Variants in PTGIS observed in about 807,000 individuals in gnomAD.
The protein encoded by PTGIS is prostacyclin synthase.
PTGIS carries 45 observed loss-of-function variants against 50.3 expected under a neutral mutation model. The ratio of observed to expected loss-of-function variants is 0.90; its 90% CI spans 0.70 to 1.15. The LOEUF is 1.15. Among genes scored for constraint, PTGIS ranks in the 50% most tolerant of loss-of-function variants. The pLI is 0.00. For missense variants in PTGIS, 668 were observed against 661.3 expected (o/e 1.01, Z -0.11); for synonymous variants, 260 against 267.7 (o/e 0.97, Z 0.28).
chr20:49,518,096 C>A (rs1355542410), intron 6 of PTGIS, among the ~76,000 whole-genome samples: 1 of 152,162 alleles, frequency 6.6e-6, no homozygotes, highest in African/African-American at 2.4e-5. Flanking sequence ...CAGGGGGAGA[C>A]CCTCTGAGGA....
At chr20:49,537,169 T>C (rs1377888141) in intron 5 of PTGIS, among the ~76,000 whole-genome samples, 1 of 152,148 alleles carries the variant, frequency 6.6e-6, no homozygotes, top group Non-Finnish European at 1.5e-5. Flanking sequence ...TGGATTCCTA[T>C]GGACCTGGAT....
intron 2 of PTGIS, 69 bp downstream of exon 2, chr20:49,549,997 A>G: frequency 6.2e-7 from 1 of 1,609,872 alleles, no homozygotes; most frequent in Non-Finnish European, 8.5e-7. Context: ...TGTTGAAGGA[A>G]TCAACAGAAA....
chr20:49,515,979 C>T (rs1009799206), intron 6 of PTGIS, among the ~76,000 whole-genome samples: 2 of 151,762 alleles, frequency 1.3e-5, no homozygotes, highest in African/African-American at 4.8e-5. Flanking sequence ...CTCCTAGGCT[C>T]AAGTGATCCT....
chr20:49,506,864 G>C lies in PTGIS; in HGVS notation c.*1056C>G, dbSNP rs1981164768. 6.6e-6 allele frequency: 1 copy of C among 152,238 alleles called. No homozygotes were observed. The highest frequency in any genetic ancestry group is 2.4e-5 in the African/African-American group (1 of 41,432). 9.4% of individuals were successfully genotyped at this position (152,238 alleles called of 1,614,324 possible). ...ACCCGGTCAGAACCCTGGTGAAGCCGAGAGCACATGTCCTGCATAAGGGAG... is the reference window on the plus strand; with the variant it reads ...ACCCGGTCAGAACCCTGGTGAAGCCCAGAGCACATGTCCTGCATAAGGGAG... On this transcript the variant is annotated 3_prime_UTR_variant, in exon 10 of 10. Transcript: ENST00000244043.
chr20:49,548,108 C>G (rs970106580), intron 2 of PTGIS, 89 bp from the exon 3 acceptor site: 1 of 1,216,782 alleles, frequency 8.2e-7, no homozygotes, highest in Admixed American at 1.8e-5. Flanking sequence ...GTGCCAGGCA[C>G]TGCCCCACTG....
intron 5 of PTGIS, among the ~76,000 whole-genome samples, chr20:49,524,834 C>T (rs1249061220): frequency 6.6e-6 from 1 of 152,188 alleles, no homozygotes; most frequent in African/African-American, 2.4e-5. Flanking sequence ...CCCCATGATT[C>T]AGTTATCTCC....
chr20:49,517,748 C>T (rs1000715545), intron 6 of PTGIS, among the ~76,000 whole-genome samples: 3 of 152,198 alleles, frequency 2.0e-5, no homozygotes, highest in African/African-American at 7.2e-5. Context: ...GACAACATGG[C>T]CCATCAGTGG....
intron 5 of PTGIS, among the ~76,000 whole-genome samples, chr20:49,532,386 AT>A (rs998175644): frequency 1.2e-4 from 18 of 151,670 alleles, no homozygotes; most frequent in African/African-American, 3.1e-4. Context: ...GAAATATTTG[AT>A]TTTTTTTTAA....
At chr20:49,536,454 T>TTTTCTTTCTTTC (rs1159152340) in intron 5 of PTGIS, among the ~76,000 whole-genome samples, 5 of 142,220 alleles carry the variant, frequency 3.5e-5, no homozygotes, top group African/African-American at 5.3e-5. Context: ...TCTTTTTTTC[T>TTTTCTTTCTTTC]TTTCTTTCTT....
intron 5 of PTGIS, among the ~76,000 whole-genome samples, chr20:49,531,218 C>T (rs538046589): frequency 3.9e-5 from 6 of 152,102 alleles, no homozygotes; most frequent in African/African-American, 1.4e-4. Context: ...TGGCAAACCC[C>T]CCAAAAATAA....
At chr20:49,552,810 T>A (rs1188576824) in intron 1 of PTGIS, among the ~76,000 whole-genome samples, 1 of 152,070 alleles carries the variant, frequency 6.6e-6, no homozygotes, top group East Asian at 1.9e-4. Context: ...AATAAAAACA[T>A]AAAACAACTT....
chr20:49,566,087 G>T (rs187404819), intron 1 of PTGIS, among the ~76,000 whole-genome samples: 14 of 152,326 alleles, frequency 9.2e-5, no homozygotes, highest in African/African-American at 3.1e-4. Context: ...AAAATTAGCT[G>T]GGCATGGTGG....
At chr20:49,526,267 C>G (rs1385806968) in intron 5 of PTGIS, among the ~76,000 whole-genome samples, 1 of 152,194 alleles carries the variant, frequency 6.6e-6, no homozygotes, top group Non-Finnish European at 1.5e-5. Flanking sequence ...CTGGATACTT[C>G]TAAGCATCAT....
chr20:49,526,213 G>A (rs1448849498), intron 5 of PTGIS, among the ~76,000 whole-genome samples: 1 of 152,198 alleles, frequency 6.6e-6, no homozygotes, highest in African/African-American at 2.4e-5. Context: ...GTTTAGGCCT[G>A]CAGGGCGCGG....
rs1981125662 is a variant in PTGIS at position 49,505,470 on chromosome 20, A to G, written c.*2450T>C. The G allele has an allele frequency of 6.6e-6, 1 of 152,354 alleles. No homozygotes were observed. Among genetic ancestry groups the G allele is most frequent in the Non-Finnish European group, 1.5e-5 (1 of 68,042 alleles). 9.4% of individuals were successfully genotyped at this position (152,354 alleles called of 1,614,324 possible). A position where few individuals can be genotyped will look rare whatever the true frequency, so the allele number is the denominator to read the frequency against. On this transcript the variant is annotated 3_prime_UTR_variant, in exon 10 of 10. Transcript: ENST00000244043. The stretch of plus-strand genomic sequence containing the variant: ...TTTCCTTGAGTGTAATTCACTAATG[A>G]CTGTGGTTCCAAGGAGGTGCGACCT...
intron 5 of PTGIS, among the ~76,000 whole-genome samples, chr20:49,529,496 G>A (rs77072418): frequency 0.012 from 1,760 of 152,238 alleles, 33 homozygotes; most frequent in African/African-American, 0.036. Context: ...CAGCAGTCCT[G>A]TCTTATCCAG....
At chr20:49,554,487 G>T (rs112124474) in intron 1 of PTGIS, among the ~76,000 whole-genome samples, 6,251 of 152,226 alleles carry the variant, frequency 0.041, 410 homozygotes, top group African/African-American at 0.14. Flanking sequence ...GTCTAAAAAG[G>T]ACACTGAGTC....
chr20:49,518,845 G>A (rs1408431093), intron 6 of PTGIS, among the ~76,000 whole-genome samples: 2 of 152,056 alleles, frequency 1.3e-5, no homozygotes, highest in Admixed American at 6.6e-5. Flanking sequence ...GATTCTTCTC[G>A]ATGATCACTA....
chr20:49,523,522 G>A lies in PTGIS; in HGVS notation c.855+536C>T, dbSNP rs117843664. On this transcript the variant is annotated intron_variant, in intron 6 of 9. Coordinates refer to ENST00000244043, the MANE Select transcript of PTGIS (RefSeq NM_000961.4). ...AACAAAAAACAAAAAGAAGCTGGGC[G>A]TGGTGGCTCACACTGTAATCCCAGC... Among the ~76,000 whole-genome samples, 79 of 152,122 alleles carry A rather than the reference G, an allele frequency of 5.2e-4. No homozygotes were observed. The East Asian group carries it at 0.014, about 27-fold the overall frequency.
Sources: gnomAD v4.1 joint callset for allele counts (sites outside exome capture counted in the v4.1 genomes callset) on GRCh38, gnomAD v4.1.1 for gene constraint, MANE v1.5 for transcripts, NCBI Gene and HGNC (gene_info 2026-07-23, HGNC 2026-07-21) for gene names.